RPS6KA2: variants seen among roughly 807,000 people sequenced by gnomAD.
RPS6KA2 encodes the protein ribosomal protein S6 kinase A2, also known as ribosomal protein S6 kinase alpha-2.
In RPS6KA2, 42 loss-of-function variants were observed where a neutral mutation model predicts 91.8. The observed-to-expected ratio is 0.46, with a 90% CI of 0.36 to 0.59. The LOEUF (loss-of-function observed/expected upper bound fraction) is 0.59, where lower values mean the gene tolerates loss of function less well. Among genes scored for constraint, RPS6KA2 ranks in the 20% least tolerant of loss-of-function variants. The pLI is 0.00. For missense variants in RPS6KA2, 798 were observed against 978.5 expected, an observed-to-expected ratio of 0.82 and a Z score of 2.46; for synonymous variants, 414 against 393.6, an observed-to-expected ratio of 1.05 and a Z score of -0.61.
intron 2 of RPS6KA2, among the ~76,000 whole-genome samples, chr6:166,664,866 C>T (rs1484321078): frequency 6.6e-6 from 1 of 152,206 alleles, no homozygotes; most frequent in Non-Finnish European, 1.5e-5. Flanking sequence ...AGAGAGCCAG[C>T]TTTCGCCTCC....
intron 1 of RPS6KA2, among the ~76,000 whole-genome samples, chr6:166,568,279 C>T (rs1353915508): frequency 1.3e-5 from 2 of 152,152 alleles, no homozygotes; most frequent in Non-Finnish European, 2.9e-5. Flanking sequence ...GTTAAGAAAG[C>T]CTGTTCTCAG....
rs1470077203 is a variant in RPS6KA2, at chr6:166,410,498, C to T, written c.*2264G>A. 2 of 152,530 alleles carry T rather than the reference C, an allele frequency of 1.3e-5. No individual in the cohort carries two copies. Among genetic ancestry groups the T allele is most frequent in the Non-Finnish European group, 2.9e-5 (2 of 68,028 alleles). The allele number at this position is 152,530 out of a possible 1,614,324, so 9.4% of individuals were successfully genotyped here. A position where few individuals can be genotyped will look rare whatever the true frequency, so the allele number is the denominator to read the frequency against. On this transcript the variant is annotated 3_prime_UTR_variant, in exon 21 of 21. Coordinates refer to ENST00000265678, the MANE Select transcript of RPS6KA2 (RefSeq NM_021135.6). ...GGAAAGTAGAGGTATTTCACAGACA[C>T]TCAGCGGAGCAGGGCCAAGCCAGTG...
intron 2 of RPS6KA2, among the ~76,000 whole-genome samples, chr6:166,532,224 C>T (rs1783305248): frequency 6.6e-6 from 1 of 152,184 alleles, no homozygotes; most frequent in African/African-American, 2.4e-5. Context: ...CATGGAAACT[C>T]CAGGTGGCCC....
In RPS6KA2 at chr6:166,784,754, C is replaced by G. The variant is rs573076605; in HGVS notation, c.123+73446G>C. Among the ~76,000 whole-genome samples, 64 of 151,268 alleles carry G rather than the reference C, an allele frequency of 4.2e-4. 11 individuals carry two copies. The highest frequency in any genetic ancestry group is 1.4e-3 in the African/African-American group (59 of 40,858). ...ACACCTATCTATAACCACATATATA[C>G]CTATGTATGCATGTCTATACATGAG... On this transcript the variant is annotated intron_variant, in intron 2 of 21. Transcript: ENST00000503859.
At chr6:166,498,378 A>C in intron 8 of RPS6KA2, 130 bp downstream of exon 8, 2 of 1,057,048 alleles carry the variant, frequency 1.9e-6, no homozygotes, top group Non-Finnish European at 2.6e-6. Context: ...TGGCCTGGAC[A>C]CTTGCCCAGT....
intron 2 of RPS6KA2, among the ~76,000 whole-genome samples, chr6:166,807,569 T>C (rs539877867): frequency 1.4e-4 from 21 of 151,876 alleles, no homozygotes; most frequent in African/African-American, 4.3e-4. Context: ...CTCTCCATCT[T>C]AGTCTGAGTA....
intron 2 of RPS6KA2, among the ~76,000 whole-genome samples, chr6:166,695,329 C>T (rs545345305): frequency 9.4e-4 from 143 of 152,250 alleles, no homozygotes; most frequent in Middle Eastern, 6.8e-3. Context: ...AACAGAACAA[C>T]CCCCAGGAGC....
intron 2 of RPS6KA2, among the ~76,000 whole-genome samples, chr6:166,787,407 CTG>C (rs1487797712): frequency 2.0e-5 from 3 of 151,526 alleles, no homozygotes; most frequent in South Asian, 4.1e-4. Context: ...ATTATATAAA[CTG>C]TGTTGATTTA....
At position 166,635,998 on chromosome 6, in the gene RPS6KA2, C is replaced by T. The variant is rs535073411; in HGVS notation, c.124-97214G>A. Among the ~76,000 whole-genome samples, 181 of 152,322 alleles carry T rather than the reference C, an allele frequency of 1.2e-3. 1 individual carries two copies. The highest frequency in any genetic ancestry group is 2.0e-3 in the Non-Finnish European group (133 of 68,030). On this transcript the variant is annotated intron_variant, in intron 2 of 21. Coordinates refer to the RPS6KA2 transcript ENST00000503859. This position sits in a 1 kb window ranked among gnomAD's most constrained non-coding sequence, Gnocchi z 4.8. Reference sequence around the variant, plus strand: ...CCAAATCCAATCATCCACTTCTCTGCTTATAACTCTTCCAGGCTTCTTACT... The same window carrying T: ...CCAAATCCAATCATCCACTTCTCTGTTTATAACTCTTCCAGGCTTCTTACT...
rs1198531519 is a variant in RPS6KA2, at chr6:166,533,258, T to C, written c.217-1945A>G. On this transcript the variant is annotated intron_variant, in intron 2 of 20. Coordinates refer to ENST00000265678, the MANE Select transcript of RPS6KA2 (RefSeq NM_021135.6). This position sits in a 1 kb window ranked among gnomAD's most constrained non-coding sequence, Gnocchi z 4.0. ...CTTTCATTTCTCCAGCCCGTCCGTG[T>C]GCCTAATGTCCCTAGGTTGACTTGA... 2.0e-5 allele frequency among the ~76,000 whole-genome samples: 3 copies of C among 152,252 alleles called. No homozygotes were observed. Among genetic ancestry groups the C allele is most frequent in the Non-Finnish European group, 4.4e-5 (3 of 68,036 alleles).
rs913075669 is a variant in RPS6KA2, at chr6:166,662,817, G to C, written c.124-124033C>G. Among the ~76,000 whole-genome samples, 3 of 152,084 alleles carry C rather than the reference G, an allele frequency of 2.0e-5. No individual in the cohort carries two copies. Among genetic ancestry groups the C allele is most frequent in the African/African-American group, 7.2e-5 (3 of 41,396 alleles). On this transcript the variant is annotated intron_variant, in intron 2 of 21. Transcript: ENST00000503859. This position sits in a 1 kb window ranked among gnomAD's most constrained non-coding sequence, Gnocchi z 4.3. ...TGTGTGGAGAGAGGACCTTTCAAAG[G>C]GGAATTCCATTAAATGAGGCCTCGG...
At chr6:166,736,828 C>G (rs993887433) in intron 2 of RPS6KA2, among the ~76,000 whole-genome samples, 10 of 152,118 alleles carry the variant, frequency 6.6e-5, no homozygotes, top group South Asian at 2.1e-4. Context: ...AGAGGGAGCC[C>G]GAGAAGCCTT....
rs1449806943 is a variant in RPS6KA2, at chr6:166,518,661, T to G, written c.299-8304A>C. The stretch of plus-strand genomic sequence containing the variant: ...AATGTGGCCTAACACAAGTATATGT[T>G]GAGTTTAGGGTGGCAGAAAACAGGA... On this transcript the variant is annotated intron_variant, in intron 3 of 20. Transcript: ENST00000265678. 3.9e-5 allele frequency among the ~76,000 whole-genome samples: 6 copies of G among 152,264 alleles called. No homozygotes were observed. In the East Asian group the frequency reaches 7.7e-4, roughly 20 times the overall value.
intron 3 of RPS6KA2, among the ~76,000 whole-genome samples, chr6:166,516,689 A>G (rs950335585): frequency 6.6e-6 from 1 of 152,168 alleles, no homozygotes; most frequent in Non-Finnish European, 1.5e-5. Context: ...GGCTTCCTAC[A>G]CTGTGCCCTT....
At chr6:166,491,248 G>A (rs1781577606) in intron 8 of RPS6KA2, among the ~76,000 whole-genome samples, 1 of 152,212 alleles carries the variant, frequency 6.6e-6, no homozygotes, top group Non-Finnish European at 1.5e-5. Context: ...AGGACAATAT[G>A]GCACAGCAAC....
chr6:166,774,449 G>A (rs918685441), intron 2 of RPS6KA2, among the ~76,000 whole-genome samples: 3 of 152,116 alleles, frequency 2.0e-5, no homozygotes, highest in African/African-American at 4.8e-5. Flanking sequence ...CGAGCGTCCC[G>A]GCGTTGGTTA....
chr6:166,498,438 C>T, intron 8 of RPS6KA2, 70 bp downstream of exon 8: 2 of 1,509,672 alleles, frequency 1.3e-6, no homozygotes, highest in Non-Finnish European at 1.8e-6. Flanking sequence ...GACCTCTGAA[C>T]CAACCTGGGG....
At chr6:166,417,708 G>A (rs890037065) in intron 19 of RPS6KA2, among the ~76,000 whole-genome samples, 2 of 151,990 alleles carry the variant, frequency 1.3e-5, no homozygotes, top group African/African-American at 4.8e-5. Context: ...CCAAGATAGT[G>A]GAAAATGTGA....
intron 3 of RPS6KA2, among the ~76,000 whole-genome samples, chr6:166,520,480 T>C (rs974733834): frequency 6.6e-6 from 1 of 152,180 alleles, no homozygotes; most frequent in East Asian, 1.9e-4. Context: ...TTCATACCCA[T>C]GTGAGCTGAT....
Sources: gnomAD v4.1 joint callset for allele counts (sites outside exome capture counted in the v4.1 genomes callset) on GRCh38, gnomAD v4.1.1 for gene constraint, Gnocchi (gnomAD v3.1) non-coding constraint, MANE v1.5 for transcripts, NCBI Gene and HGNC (gene_info 2026-07-23, HGNC 2026-07-21) for gene names.